CCNB2: variants seen among roughly 807,000 people sequenced by gnomAD.
CCNB2 encodes the protein cyclin B2.
CCNB2 carries 39 observed loss-of-function variants against 51.1 expected under a neutral mutation model. The observed-to-expected ratio is 0.76, with a 90% CI of 0.59 to 1.00. CCNB2 has a LOEUF of 1.00. Among genes scored for constraint, CCNB2 ranks in the 50% least tolerant of loss-of-function variants. The pLI is 0.00. For synonymous variants in CCNB2, 174 were observed against 165.5 expected (o/e 1.05, Z -0.40); for missense variants, 472 against 470.3 (o/e 1.00, Z -0.03).
intron 5 of CCNB2, chr15:59,115,598 A>G (rs1353514037): frequency 3.9e-5 from 6 of 152,214 alleles, no homozygotes; most frequent in African/African-American, 1.4e-4. Flanking sequence ...GGTTTAGGTC[A>G]GGCACAAATT....
intron 7 of CCNB2, among the ~76,000 whole-genome samples, chr15:59,118,179 A>G (rs1322913722): frequency 1.1e-4 from 16 of 152,250 alleles, no homozygotes; most frequent in Non-Finnish European, 2.9e-5. Context: ...CCACTTGTAG[A>G]TTTAGAAGAG....
At chr15:59,107,255 G>A (rs1272457267) in intron 1 of CCNB2, 67 bp from the exon 2 acceptor site, 21 of 1,401,756 alleles carry the variant, frequency 1.5e-5, no homozygotes, top group Non-Finnish European at 1.7e-5. Flanking sequence ...CTAAATTTGA[G>A]TATCTAACAT....
At chr15:59,106,053 T>C (rs2079234508) in intron 1 of CCNB2, among the ~76,000 whole-genome samples, 1 of 152,196 alleles carries the variant, frequency 6.6e-6, no homozygotes, top group African/African-American at 2.4e-5. Context: ...GGACCTACTT[T>C]TTTCCTTTGC....
At chr15:59,111,844 C>CT (rs780778964) in intron 3 of CCNB2, among the ~76,000 whole-genome samples, 2 of 146,828 alleles carry the variant, frequency 1.4e-5, no homozygotes, top group Non-Finnish European at 3.0e-5. Flanking sequence ...CTATTCTTTT[C>CT]TTTCTTTCTT....
At chr15:59,114,998 C>A in intron 5 of CCNB2, 122 bp downstream of exon 5, 1 of 1,076,686 alleles carries the variant, frequency 9.3e-7, no homozygotes, top group Non-Finnish European at 1.3e-6. Context: ...TGTGAGAAGC[C>A]AAAGAACTTT....
intron 3 of CCNB2, among the ~76,000 whole-genome samples, chr15:59,112,758 GGT>G: frequency 6.6e-6 from 1 of 151,822 alleles, no homozygotes; most frequent in Non-Finnish European, 1.5e-5. Context: ...GATTTGGCTG[GGT>G]GCAGTGGCTC....
rs1024971804 is a variant in CCNB2 at position 59,115,258 on chromosome 15, C to T, written c.597+382C>T. Among the ~76,000 whole-genome samples the T allele has an allele frequency of 2.6e-5, 4 of 152,070 alleles. No homozygotes were observed. In the East Asian group the frequency reaches 7.7e-4, roughly 29 times the overall value. Reference sequence around the variant, plus strand: ...AGTTTGGTGCTCTGGTGTTAAGTTTCCTCATCTGAAAAACGATGAGTTTGG... The same window carrying T: ...AGTTTGGTGCTCTGGTGTTAAGTTTTCTCATCTGAAAAACGATGAGTTTGG... On this transcript the variant is annotated intron_variant, in intron 5 of 8. Coordinates refer to ENST00000288207, the MANE Select transcript of CCNB2 (RefSeq NM_004701.4).
intron 7 of CCNB2, among the ~76,000 whole-genome samples, chr15:59,117,926 G>A (rs1038393990): frequency 4.6e-5 from 7 of 152,188 alleles, no homozygotes; most frequent in Non-Finnish European, 1.0e-4. Context: ...AACACAGAGA[G>A]ACCCTTGTCT....
At chr15:59,122,241 CTTTTTTT>C (rs1162917277) in intron 7 of CCNB2, among the ~76,000 whole-genome samples, 10 of 73,004 alleles carry the variant, frequency 1.4e-4, no homozygotes, top group South Asian at 5.1e-4. Flanking sequence ...GTTGACATAT[CTTTTTTT>C]TTTTTTTTTT....
chr15:59,124,407 A>C, intron 8 of CCNB2: 1 of 258,424 alleles, frequency 3.9e-6, no homozygotes, highest in Non-Finnish European at 7.5e-6. Context: ...TTGTCTTTTA[A>C]TTGTTCCTAT....
chr15:59,107,500 T>C (rs1474910254), intron 2 of CCNB2, 50 bp downstream of exon 2: 17 of 1,613,366 alleles, frequency 1.1e-5, no homozygotes, highest in Non-Finnish European at 1.4e-5. Flanking sequence ...TTCTGTATAG[T>C]GCTGAGTCCC....
In CCNB2 at chr15:59,116,822, T is replaced by A. The variant is rs547706416; in HGVS notation, c.730T>A (p.Ser244Thr). 1 of 1,614,218 alleles carries A rather than the reference T, an allele frequency of 6.2e-7. No individual in the cohort carries two copies. The highest frequency in any genetic ancestry group is 1.1e-5 in the South Asian group (1 of 91,086). Residue 244 changes from serine to threonine, a missense_variant, in exon 6 of 9, where the codon TCC (serine) becomes ACC (threonine). Coordinates refer to ENST00000288207, the MANE Select transcript of CCNB2 (RefSeq NM_004701.4). ...CATCACAGACAATGCTTATACCAGT[T>A]CCCAAATCCGAGAAATGGAAACTCT... The part of the protein sequence containing the change: ...VYITDNAYTS[S>T]QIREMETLIL...
chr15:59,108,008 A>AT (rs1354189556), intron 3 of CCNB2, among the ~76,000 whole-genome samples: 3 of 152,148 alleles, frequency 2.0e-5, no homozygotes, highest in Non-Finnish European at 2.9e-5. Flanking sequence ...CTGAAAAAAA[A>AT]AAATAAATAT....
At position 59,114,865 on chromosome 15, in the gene CCNB2, C is replaced by T. The variant is rs528221556; in HGVS notation, c.586C>T (p.Arg196Ter). 7.4e-6 allele frequency: 12 copies of T among 1,612,418 alleles called. No individual in the cohort carries two copies. The highest frequency in any genetic ancestry group is 3.3e-5 in the South Asian group (3 of 91,012). ...GTACATGTGCGTTGGCATTATGGAT[C>T]GATTTTTACAGGTAGGTGTGGCTTC... ...TLYMCVGIMD[R>*]FLQVQPVSRK... The change falls in exon 5 of 9, where the codon CGA (arginine) becomes TGA (stop). Residue 196 changes from arginine to a stop codon, truncating the protein, a stop_gained. Coordinates refer to ENST00000288207, the MANE Select transcript of CCNB2 (RefSeq NM_004701.4). LOFTEE classifies it high-confidence loss of function.
chr15:59,107,632 T>A lies in CCNB2; in HGVS notation c.229T>A (p.Ser77Thr). 1 of 1,614,190 alleles carries A rather than the reference T, an allele frequency of 6.2e-7. No individual in the cohort carries two copies. The highest frequency in any genetic ancestry group is 8.5e-7 in the Non-Finnish European group (1 of 1,180,038). Residue 77 changes from serine to threonine, a missense_variant, in exon 3 of 9, where the codon TCT (serine) becomes ACT (threonine). By Grantham distance (58) the Ser-to-Thr change is moderately conservative. Transcript: ENST00000288207. ...NVNKQLKPTASVKPVQMEKLA... is the reference protein window; with the variant it reads ...NVNKQLKPTATVKPVQMEKLA... ...CAACAAACAACTGAAACCTACTGCT[T>A]CTGTCAAACCAGTACAGATGGAAAA...
Position 59,105,388 on chromosome 15 carries a change from C to G in CCNB2, c.24+96C>G. 4.4e-6 allele frequency: 6 copies of G among 1,368,734 alleles called. No individual in the cohort carries two copies. The South Asian group carries it at 7.6e-5, about 17-fold the overall frequency. The allele number at this position is 1,368,734 out of a possible 1,614,324, so 84.8% of individuals were successfully genotyped here. ...TCTGCTCCGAGCTTCTCCGTCCCAA[C>G]CGGGGCTGCTTTTCTCTTCTCCGGA... On this transcript the variant is annotated intron_variant, in intron 1 of 8. Coordinates refer to ENST00000288207, the MANE Select transcript of CCNB2 (RefSeq NM_004701.4).
At chr15:59,116,961 G>T (rs201265743) in intron 6 of CCNB2, 35 bp downstream of exon 6, 2 of 1,526,012 alleles carry the variant, frequency 1.3e-6, no homozygotes, top group Admixed American at 1.8e-5. Context: ...GACTATTTTT[G>T]CTTGGTGTCT....
intron 5 of CCNB2, among the ~76,000 whole-genome samples, chr15:59,115,268 A>G (rs2079274336): frequency 1.3e-5 from 2 of 152,126 alleles, no homozygotes; most frequent in South Asian, 4.1e-4. Flanking sequence ...CCTCATCTGA[A>G]AAACGATGAG....
At position 59,114,832 on chromosome 15, in the gene CCNB2, G is replaced by A. The variant is rs750619117; in HGVS notation, c.553G>A (p.Glu185Lys). ...QVHSKFRLLQETLYMCVGIMD... is the reference protein window; with the variant it reads ...QVHSKFRLLQKTLYMCVGIMD... Reference sequence around the variant, plus strand: ...CCACTCCAAGTTTAGGCTTCTGCAGGAGACTCTGTACATGTGCGTTGGCAT... The same window carrying A: ...CCACTCCAAGTTTAGGCTTCTGCAGAAGACTCTGTACATGTGCGTTGGCAT... Residue 185 changes from glutamate to lysine, a missense_variant, in exon 5 of 9, where the codon GAG becomes AAG. By Grantham distance (56) the Glu-to-Lys change is moderately conservative (BLOSUM62 1). Transcript: ENST00000288207. 6.2e-7 allele frequency: 1 copy of A among 1,614,226 alleles called. No individual in the cohort carries two copies. The highest frequency in any genetic ancestry group is 1.7e-5 in the Admixed American group (1 of 60,022).
Sources: gnomAD v4.1 joint callset for allele counts (sites outside exome capture counted in the v4.1 genomes callset) on GRCh38, gnomAD v4.1.1 for gene constraint, MANE v1.5 for transcripts, NCBI Gene and HGNC (gene_info 2026-07-23, HGNC 2026-07-21) for gene names.